GPHN: variants seen among roughly 807,000 people sequenced by gnomAD.
GPHN encodes gephyrin.
In GPHN, 17 loss-of-function variants were observed where a neutral mutation model predicts 95.5. The ratio of observed to expected loss-of-function variants is 0.18; its 90% CI spans 0.12 to 0.27. The LOEUF (loss-of-function observed/expected upper bound fraction) is 0.27, where lower values mean the gene tolerates loss of function less well. GPHN is among the 10% of genes least tolerant of loss of function. The probability of loss-of-function intolerance (pLI) is 1.00; values close to 1 mark genes in which losing one functional copy is unlikely to be tolerated. For missense variants in GPHN, 660 were observed against 978.1 expected (o/e 0.67, Z 4.34); for synonymous variants, 320 against 322.5 (o/e 0.99, Z 0.08).
chr14:67,390,342 C>G, the GPHN span, among the ~76,000 whole-genome samples: 1 of 152,146 alleles, frequency 6.6e-6, no homozygotes, highest in Non-Finnish European at 1.5e-5. Flanking sequence ...GTAGGAGTCT[C>G]TGTCAGCCTA....
chr14:66,890,804 A>G (rs1196898314), intron 5 of GPHN, among the ~76,000 whole-genome samples: 6 of 83,256 alleles, frequency 7.2e-5, no homozygotes, highest in African/African-American at 1.8e-4. Flanking sequence ...GAATGGAGGG[A>G]AAAAAAAACC....
At chr14:67,685,287 C>A in the GPHN span, 24 of 1,119,844 alleles carry the variant, frequency 2.1e-5, no homozygotes, top group Admixed American at 5.5e-4. Context: ...TGTAAATAAG[C>A]ATGTGACCTT....
At chr14:67,683,820 A>G in the GPHN span, among the ~76,000 whole-genome samples, 1 of 152,168 alleles carries the variant, frequency 6.6e-6, no homozygotes, top group East Asian at 1.9e-4. Flanking sequence ...CTCCCTACTA[A>G]TATTTTAATA....
At chr14:67,378,161 A>G in the GPHN span, among the ~76,000 whole-genome samples, 1 of 151,190 alleles carries the variant, frequency 6.6e-6, no homozygotes, top group African/African-American at 2.4e-5. Context: ...TCAGTTCTCT[A>G]TACTTGCTGT....
intron 1 of GPHN, among the ~76,000 whole-genome samples, chr14:66,679,832 A>G (rs2066835518): frequency 6.6e-6 from 1 of 152,076 alleles, no homozygotes; most frequent in Non-Finnish European, 1.5e-5. Flanking sequence ...TTTTTCATCT[A>G]CTTTGAAGAT....
the GPHN span, among the ~76,000 whole-genome samples, chr14:67,390,960 T>A: frequency 6.6e-6 from 1 of 151,922 alleles, no homozygotes; most frequent in South Asian, 2.1e-4. Flanking sequence ...AAAAATGCCA[T>A]CACCTTAAGT....
chr14:67,383,386 C>T, the GPHN span: 1,204 of 1,613,422 alleles, frequency 7.5e-4, 8 homozygotes, highest in South Asian at 5.1e-4. Context: ...GAGAAAATGC[C>T]GAAGTGGATG....
chr14:67,036,540 C>CACACACACACACACACACAG (rs946760546), intron 10 of GPHN, among the ~76,000 whole-genome samples: 7 of 148,222 alleles, frequency 4.7e-5, no homozygotes, highest in African/African-American at 1.2e-4. Context: ...CACACACACA[C>CACACACACACACACACACAG]AGAGAAACAC....
chr14:67,530,887 A>C, the GPHN span, among the ~76,000 whole-genome samples: 4 of 152,232 alleles, frequency 2.6e-5, no homozygotes, highest in Non-Finnish European at 4.4e-5. Flanking sequence ...AGGAGATTAC[A>C]GAAAAGAAGA....
At chr14:67,150,459 A>ACAAAACAAAAC (rs1555503616) in intron 18 of GPHN, among the ~76,000 whole-genome samples, 1 of 134,990 alleles carries the variant, frequency 7.4e-6, no homozygotes, top group African/African-American at 2.7e-5. Flanking sequence ...AAAACAAAAA[A>ACAAAACAAAAC]AAAAAAAAAA....
At chr14:67,154,576 G>A (rs2081472840) in intron 18 of GPHN, among the ~76,000 whole-genome samples, 1 of 151,996 alleles carries the variant, frequency 6.6e-6, no homozygotes, top group Non-Finnish European at 1.5e-5. Flanking sequence ...AGTGAAAGGT[G>A]TATGCTATTC....
chr14:67,184,146 T>A (rs1284852078), downstream of GPHN, among the ~76,000 whole-genome samples: 1 of 152,180 alleles, frequency 6.6e-6, no homozygotes, highest in Non-Finnish European at 1.5e-5. Context: ...TTCTTTAAGT[T>A]ACAGAAACAA....
chr14:67,579,157 C>T, the GPHN span: 2 of 1,606,822 alleles, frequency 1.2e-6, no homozygotes, highest in Non-Finnish European at 1.7e-6. Context: ...CAGTATGCCA[C>T]CTACTGCCAG....
chr14:67,027,012 T>C (rs1443250048), intron 10 of GPHN, among the ~76,000 whole-genome samples: 1 of 152,162 alleles, frequency 6.6e-6, no homozygotes, highest in Non-Finnish European at 1.5e-5. Flanking sequence ...AAAACCCGAT[T>C]CAATATTGTG....
chr14:66,752,791 A>T (rs2058417450), intron 2 of GPHN, among the ~76,000 whole-genome samples: 1 of 152,010 alleles, frequency 6.6e-6, no homozygotes, highest in Non-Finnish European at 1.5e-5. Flanking sequence ...GGTTGTGAAA[A>T]GCACAATAAA....
intron 1 of GPHN, chr14:66,509,424 G>C (rs888911377): frequency 6.6e-6 from 1 of 152,210 alleles, no homozygotes; most frequent in African/African-American, 2.4e-5. Context: ...ACTTTTCCCG[G>C]GTCGCGTTTC....
chr14:67,727,680 C>T, the GPHN span: 1 of 205,624 alleles, frequency 4.9e-6, no homozygotes, highest in African/African-American at 2.4e-5. Flanking sequence ...CGAGCTTTCA[C>T]CATGTTGTCC....
At chr14:66,543,517 C>T (rs988245476) in intron 1 of GPHN, among the ~76,000 whole-genome samples, 3 of 152,140 alleles carry the variant, frequency 2.0e-5, no homozygotes, top group Non-Finnish European at 2.9e-5. Flanking sequence ...GTTTAAGAAA[C>T]TATTCCTGAA....
the GPHN span, chr14:67,292,386 A>T: frequency 6.4e-6 from 4 of 621,658 alleles, no homozygotes; most frequent in African/African-American, 1.8e-5. Flanking sequence ...ACAATAATAT[A>T]TGCAGATTTT....
Sources: gnomAD v4.1 joint callset for allele counts (sites outside exome capture counted in the v4.1 genomes callset) on GRCh38, gnomAD v4.1.1 for gene constraint, MANE v1.5 for transcripts, NCBI Gene and HGNC (gene_info 2026-07-23, HGNC 2026-07-21) for gene names.